SYNPO2: variants seen among roughly 807,000 people sequenced by gnomAD.
SYNPO2 encodes the protein synaptopodin-2.
A neutral mutation model predicts 85.0 loss-of-function variants in SYNPO2; 56 were observed. The ratio of observed to expected loss-of-function variants is 0.66; its 90% confidence interval spans 0.53 to 0.82. SYNPO2 has a LOEUF of 0.82. Among genes scored for constraint, SYNPO2 ranks in the 40% least tolerant of loss-of-function variants. SYNPO2 has a pLI of 0.00. For missense variants in SYNPO2, 1,575 were observed against 1,534.2 expected (o/e 1.03, Z -0.44); for synonymous variants, 602 against 591.1 (o/e 1.02, Z -0.27).
intron 1 of SYNPO2, among the ~76,000 whole-genome samples, chr4:118,986,325 C>T (rs146388198): frequency 1.7e-3 from 258 of 152,258 alleles, no homozygotes; most frequent in African/African-American, 5.9e-3. Context: ...CTCAGTAATC[C>T]AGTTAAGACT....
intron 1 of SYNPO2, among the ~76,000 whole-genome samples, chr4:118,863,706 G>A (rs562174244): frequency 3.6e-4 from 54 of 151,960 alleles, no homozygotes; most frequent in Non-Finnish European, 6.2e-4. Context: ...CCACCTCCCA[G>A]GTTCAAGCAA....
At chr4:118,997,047 C>T (rs1034015885) in intron 1 of SYNPO2, among the ~76,000 whole-genome samples, 69 of 150,866 alleles carry the variant, frequency 4.6e-4, no homozygotes, top group African/African-American at 1.5e-3. Flanking sequence ...GAGACCATCC[C>T]GGCTAAAACG....
intron 1 of SYNPO2, among the ~76,000 whole-genome samples, chr4:118,858,376 T>G (rs2110563696): frequency 6.6e-6 from 1 of 152,350 alleles, no homozygotes; most frequent in Admixed American, 6.5e-5. Flanking sequence ...AACACTTTAA[T>G]GCATGTTATC....
chr4:118,913,308 C>T (rs1349341309), intron 1 of SYNPO2, among the ~76,000 whole-genome samples: 1 of 152,116 alleles, frequency 6.6e-6, no homozygotes, highest in Non-Finnish European at 1.5e-5. Context: ...AAACTAGACC[C>T]TGATGTCTGA....
intron 4 of SYNPO2, among the ~76,000 whole-genome samples, chr4:119,038,924 T>C (rs972453543): frequency 8.6e-5 from 13 of 152,000 alleles, no homozygotes; most frequent in East Asian, 3.9e-4. Context: ...TTATATATCA[T>C]TGTTATTTTG....
intron 1 of SYNPO2, among the ~76,000 whole-genome samples, chr4:119,013,493 TGACA>T (rs1242333593): frequency 6.6e-6 from 1 of 152,204 alleles, no homozygotes; most frequent in Non-Finnish European, 1.5e-5. Flanking sequence ...TTTTAAGGAA[TGACA>T]GACAAAATAT....
In SYNPO2 at chr4:119,054,385, C is replaced by T. The variant is rs139898400; in HGVS notation, c.3253-3016C>T. 4.2e-3 allele frequency among the ~76,000 whole-genome samples: 641 copies of T among 152,240 alleles called. 2 individuals carry two copies. The highest frequency in any genetic ancestry group is 0.015 in the African/African-American group (607 of 41,530). On this transcript the variant is annotated intron_variant, in intron 4 of 4. Transcript: ENST00000307142. Reference sequence around the variant, plus strand: ...GATGGCCTTTTTGGGTACCTGCACTCGGTGGGTCCCAAGCTCTTGTCCGGC... The same window carrying T: ...GATGGCCTTTTTGGGTACCTGCACTTGGTGGGTCCCAAGCTCTTGTCCGGC...
intron 1 of SYNPO2, among the ~76,000 whole-genome samples, chr4:118,877,452 A>AACTATGCAT (rs1731946958): frequency 6.6e-6 from 1 of 152,222 alleles, no homozygotes; most frequent in Non-Finnish European, 1.5e-5. Flanking sequence ...AATATTTGCA[A>AACTATGCAT]ACTATGCATC....
intron 1 of SYNPO2, among the ~76,000 whole-genome samples, chr4:118,927,020 T>C (rs1166929079): frequency 6.6e-6 from 1 of 152,176 alleles, no homozygotes; most frequent in Non-Finnish European, 1.5e-5. Context: ...TTGAAATCTA[T>C]TTCTTAGAGG....
chr4:118,942,392 C>T (rs921138850), intron 1 of SYNPO2, among the ~76,000 whole-genome samples: 30 of 152,246 alleles, frequency 2.0e-4, no homozygotes, highest in Non-Finnish European at 4.0e-4. Context: ...GGTATATGCT[C>T]AGTAAATATT....
intron 1 of SYNPO2, among the ~76,000 whole-genome samples, chr4:118,908,313 CATT>C (rs1270392084): frequency 6.6e-6 from 1 of 151,992 alleles, no homozygotes; most frequent in Non-Finnish European, 1.5e-5. Context: ...ACTTGTTACT[CATT>C]ATATTGGCCA....
intron 1 of SYNPO2, among the ~76,000 whole-genome samples, chr4:118,915,851 CTTTTTATTTTTTTA>C (rs1733300324): frequency 6.6e-6 from 1 of 151,998 alleles, no homozygotes; most frequent in Non-Finnish European, 1.5e-5. Context: ...TTTTATTAGA[CTTTTTATTTTTTTA>C]TTTTTATTTT....
chr4:119,023,667 T>A, intron 2 of SYNPO2, 86 bp downstream of exon 2: 1 of 1,387,710 alleles, frequency 7.2e-7, no homozygotes, highest in Non-Finnish European at 9.5e-7. Flanking sequence ...AACTTGTCAT[T>A]TATGGAGAAA....
chr4:118,988,313 T>G (rs1013773042), intron 1 of SYNPO2, among the ~76,000 whole-genome samples: 6 of 133,898 alleles, frequency 4.5e-5, no homozygotes, highest in Middle Eastern at 4.2e-3. Flanking sequence ...TAATTTAGTG[T>G]TTTTTTTTTT....
intron 1 of SYNPO2, among the ~76,000 whole-genome samples, chr4:118,973,730 T>A (rs943635951): frequency 2.6e-5 from 4 of 152,214 alleles, no homozygotes; most frequent in African/African-American, 4.8e-5. Flanking sequence ...TTTTTTCTTC[T>A]TTCCTTTCAT....
intron 4 of SYNPO2, chr4:119,042,132 C>T (rs1047646223): frequency 6.6e-6 from 1 of 152,214 alleles, no homozygotes; most frequent in African/African-American, 2.4e-5. Flanking sequence ...GATTTTATTT[C>T]AAACGTCCAG....
intron 1 of SYNPO2, among the ~76,000 whole-genome samples, chr4:118,905,569 C>T (rs1732906983): frequency 6.6e-6 from 1 of 152,090 alleles, no homozygotes; most frequent in Non-Finnish European, 1.5e-5. Flanking sequence ...CCCTTATAGA[C>T]ATTGTGTGAT....
chr4:119,012,809 GGGTT>G (rs1170605755), intron 1 of SYNPO2, among the ~76,000 whole-genome samples: 2 of 152,244 alleles, frequency 1.3e-5, no homozygotes, highest in Admixed American at 6.5e-5. Context: ...ATGGGCACTT[GGGTT>G]GGTTCCAAGT....
At chr4:119,014,836 C>T (rs1737465394) in intron 1 of SYNPO2, among the ~76,000 whole-genome samples, 1 of 152,176 alleles carries the variant, frequency 6.6e-6, no homozygotes, top group Non-Finnish European at 1.5e-5. Context: ...CTGGCTCCTG[C>T]ACCAGACAGT....
Sources: allele counts gnomAD v4.1 joint callset (sites outside exome capture counted in the v4.1 genomes callset), GRCh38; gene constraint gnomAD v4.1.1; transcripts MANE v1.5; gene names NCBI Gene and HGNC (gene_info 2026-07-23, HGNC 2026-07-21).